UQCRC2: variants seen among roughly 807,000 people sequenced by gnomAD.
UQCRC2 encodes cytochrome b-c1 complex subunit 2, mitochondrial.
UQCRC2 carries 49 observed loss-of-function variants against 55.6 expected under a neutral mutation model. That is an observed-to-expected ratio of 0.88 (90% confidence interval 0.70 to 1.12). The LOEUF (loss-of-function observed/expected upper bound fraction) is 1.12. Among genes scored for constraint, UQCRC2 ranks in the 50% most tolerant of loss-of-function variants. The pLI, the probability that UQCRC2 is intolerant of heterozygous loss-of-function variation, is 0.00. For synonymous variants in UQCRC2, 193 were observed against 192.0 expected, an observed-to-expected ratio of 1.01 and a Z score of -0.04; for missense variants, 506 against 547.8, an observed-to-expected ratio of 0.92 and a Z score of 0.76.
At chr16:21,975,223 T>G (rs987609816) in intron 11 of UQCRC2, among the ~76,000 whole-genome samples, 12 of 152,142 alleles carry the variant, frequency 7.9e-5, no homozygotes, top group African/African-American at 2.9e-4. Flanking sequence ...AAAGGATGAT[T>G]CAGGGATCTA....
intron 7 of UQCRC2, among the ~76,000 whole-genome samples, chr16:21,967,011 CT>C (rs1055416671): frequency 6.6e-6 from 1 of 151,814 alleles, no homozygotes; most frequent in Non-Finnish European, 1.5e-5. Context: ...CAAAAGGTCC[CT>C]TTTTTTTAAT....
In UQCRC2 at chr16:21,953,466, G is replaced by A. The variant is rs1396540060; in HGVS notation, c.33+10G>A. 6.2e-7 allele frequency: 1 copy of A among 1,612,602 alleles called. No individual in the cohort carries two copies. Among genetic ancestry groups the A allele is most frequent in the South Asian group, 1.1e-5 (1 of 90,662 alleles). Reference sequence around the variant, plus strand: ...AGCCGGCTCTTTCTCGGTGAGCTCAGGTGGCGGGTTTGGGAAAGGGCTGGG... The same window carrying A: ...AGCCGGCTCTTTCTCGGTGAGCTCAAGTGGCGGGTTTGGGAAAGGGCTGGG... On this transcript the variant is annotated intron_variant, in intron 1 of 13. Transcript: ENST00000268379.
At chr16:21,973,875 T>TA in intron 10 of UQCRC2, 21 bp from the exon 11 acceptor site, 1 of 1,609,606 alleles carries the variant, frequency 6.2e-7, no homozygotes, top group African/African-American at 1.3e-5. Flanking sequence ...TATCATACAG[T>TA]AAAGTCTCAT....
intron 1 of UQCRC2, among the ~76,000 whole-genome samples, chr16:21,956,315 G>A (rs560276495): frequency 2.0e-5 from 3 of 152,228 alleles, no homozygotes; most frequent in African/African-American, 4.8e-5. Flanking sequence ...AGGCCGAGGC[G>A]GGTGGATTGC....
At chr16:21,973,055 G>A (rs1273001466) in intron 10 of UQCRC2, among the ~76,000 whole-genome samples, 3 of 152,206 alleles carry the variant, frequency 2.0e-5, no homozygotes, top group Admixed American at 6.5e-5. Context: ...AGCTGAGATC[G>A]TGCCACTGCA....
In UQCRC2 at chr16:21,962,465, C is replaced by A. The variant is rs368690692; in HGVS notation, c.338C>A (p.Thr113Asn). 3.7e-6 allele frequency: 6 copies of A among 1,613,988 alleles called. No individual in the cohort carries two copies. In the Admixed American group the frequency reaches 1.0e-4, roughly 27 times the overall value. ...IEAVGGKLSVTATRENMAYTV... is the reference protein window; with the variant it reads ...IEAVGGKLSVNATRENMAYTV... ...TAGTTTATTTTCCGATTCAGTGTGA[C>A]CGCAACAAGGGAAAACATGGCTTAT... Residue 113 changes from threonine (T) to asparagine (N), a missense_variant, in exon 5 of 14, where the codon ACC becomes AAC. Transcript: ENST00000268379.
At chr16:21,965,644 CTT>C in intron 7 of UQCRC2, 139 bp downstream of exon 7, 1 of 632,220 alleles carries the variant, frequency 1.6e-6, no homozygotes, top group Non-Finnish European at 2.4e-6. Context: ...CATCCACCTG[CTT>C]TTTAACTAAA....
intron 11 of UQCRC2, among the ~76,000 whole-genome samples, chr16:21,975,363 A>C (rs937220079): frequency 6.6e-6 from 1 of 152,104 alleles, no homozygotes; most frequent in African/African-American, 2.4e-5. Flanking sequence ...GGGGTCTTAG[A>C]ATTGAGGGCT....
intron 12 of UQCRC2, 47 bp downstream of exon 12, chr16:21,976,290 TTG>T (rs1186977522): frequency 1.4e-6 from 2 of 1,455,202 alleles, no homozygotes; most frequent in African/African-American, 2.8e-5. Flanking sequence ...TATTTGAAAG[TTG>T]TATTCTTTTC....
chr16:21,974,662 T>G (rs780976551), intron 11 of UQCRC2, among the ~76,000 whole-genome samples: 1 of 152,134 alleles, frequency 6.6e-6, no homozygotes, highest in Non-Finnish European at 1.5e-5. Flanking sequence ...TAGTGGAGCT[T>G]AGACATTCAA....
chr16:21,973,802 G>A (rs932849282), intron 10 of UQCRC2, 94 bp from the exon 11 acceptor site: 11 of 1,098,778 alleles, frequency 1.0e-5, no homozygotes, highest in Admixed American at 4.2e-5. Flanking sequence ...TGTTTATACC[G>A]TGAAGGTCCA....
chr16:21,964,799 G>T (rs1327708506), intron 6 of UQCRC2, among the ~76,000 whole-genome samples: 1 of 152,190 alleles, frequency 6.6e-6, no homozygotes, highest in Non-Finnish European at 1.5e-5. Flanking sequence ...GGCAGGCATT[G>T]TATGTTCCAC....
chr16:21,979,463 A>G (rs1277824807), intron 12 of UQCRC2, among the ~76,000 whole-genome samples: 1 of 152,162 alleles, frequency 6.6e-6, no homozygotes, highest in Admixed American at 6.5e-5. Context: ...TACTACACAC[A>G]TGGGCTCTAT....
chr16:21,957,139 A>G (rs1187926334), intron 1 of UQCRC2, 96 bp from the exon 2 acceptor site: 2 of 1,192,040 alleles, frequency 1.7e-6, no homozygotes, highest in Non-Finnish European at 2.4e-6. Context: ...CCACCCCCGA[A>G]CACCCTCTGT....
chr16:21,977,733 C>T (rs1251629303), intron 12 of UQCRC2, among the ~76,000 whole-genome samples: 1 of 152,206 alleles, frequency 6.6e-6, no homozygotes, highest in Non-Finnish European at 1.5e-5. Context: ...AATCTTGCAA[C>T]TCCAGTGGTC....
chr16:21,967,433 G>T (rs1000016179), intron 7 of UQCRC2, among the ~76,000 whole-genome samples: 1 of 151,720 alleles, frequency 6.6e-6, no homozygotes, highest in African/African-American at 2.4e-5. Flanking sequence ...CATAGAAGTC[G>T]TAAGTTTTTT....
chr16:21,957,170 C>T, intron 1 of UQCRC2, 65 bp from the exon 2 acceptor site: 1 of 1,531,886 alleles, frequency 6.5e-7, no homozygotes, highest in Non-Finnish European at 8.9e-7. Context: ...CCCTAAGATA[C>T]CATGCTTTTA....
At chr16:21,974,027 C>A (rs369495997) in intron 11 of UQCRC2, 51 bp downstream of exon 11, 5 of 1,471,194 alleles carry the variant, frequency 3.4e-6, no homozygotes, top group Non-Finnish European at 4.6e-6. Context: ...ATTTCTCCCC[C>A]CCGCCATAAA....
intron 5 of UQCRC2, 70 bp downstream of exon 5, chr16:21,962,586 T>C (rs1231154702): frequency 1.2e-6 from 2 of 1,605,754 alleles, no homozygotes; most frequent in Admixed American, 1.7e-5. Context: ...CTGGTCTTTG[T>C]AATGCGTCAT....
Sources: gnomAD v4.1 joint callset for allele counts (sites outside exome capture counted in the v4.1 genomes callset) on GRCh38, gnomAD v4.1.1 for gene constraint, MANE v1.5 for transcripts, NCBI Gene and HGNC (gene_info 2026-07-23, HGNC 2026-07-21) for gene names.